ADGRG4: variants seen among roughly 807,000 people sequenced by gnomAD.
The protein encoded by ADGRG4 is adhesion G protein-coupled receptor G4, also known as G protein-coupled receptor 112.
Under a neutral mutation model 126.2 loss-of-function variants are expected in ADGRG4, and 122 were observed. The observed-to-expected ratio is 0.97, with a 90% CI of 0.83 to 1.12. The LOEUF is 1.12. Ranked by LOEUF, ADGRG4 falls within the 50% of genes most tolerant of loss-of-function variation. The pLI is 0.00. For synonymous variants in ADGRG4, 943 were observed against 838.7 expected (o/e 1.12, Z -2.15); for missense variants, 2,481 against 2,251.8 (o/e 1.10, Z -2.06).
chrX:136,397,350 C>T (rs764545988), intron 19 of ADGRG4, among the ~76,000 whole-genome samples: 13 of 111,407 alleles, frequency 1.2e-4, no homozygotes, highest in African/African-American at 1.6e-4. Context: ...GTTCTTAGAC[C>T]AGTGCACACA....
Position 136,348,491 on chromosome X carries a change from T to G in ADGRG4, c.4785T>G (p.Val1595=). The G allele has an allele frequency of 1.7e-6, 2 of 1,209,723 alleles. No homozygotes were observed. The highest frequency in any genetic ancestry group is 2.2e-6 in the Non-Finnish European group (2 of 893,915). The change falls in exon 6 of 26, where the codon GTT becomes GTG. Residue 1595 remains valine, a synonymous_variant. Coordinates refer to ENST00000394143, the MANE Select transcript of ADGRG4 (RefSeq NM_153834.4). ...VGLFSTLLSS[V]TPRTTMTMQT... is the part of the protein sequence containing the mutation. ...TATTCTCTACTTTATTGTCTTCAGT[T>G]ACCCCCAGGACTACTATGACCATGC...
chrX:136,350,153 C>T lies in ADGRG4; in HGVS notation c.6447C>T (p.Ser2149=), dbSNP rs1460871775. The T allele has an allele frequency of 8.3e-6, 10 of 1,210,450 alleles. No homozygotes were observed. Among genetic ancestry groups the T allele is most frequent in the South Asian group, 5.3e-5 (3 of 56,939 alleles). The change falls in exon 6 of 26, where the codon AGC becomes AGT. Residue 2149 remains serine, a synonymous_variant. Transcript: ENST00000394143. The part of the protein sequence containing the change: ...TLSVGAMPLP[S]STITSSWNRI... ...CTGTTGGTGCCATGCCTCTGCCTAG[C>T]TCTACAATAACATCTTCATGGAACA...
chrX:136,304,800 C>T (rs982072135), intron 2 of ADGRG4, 55 bp from the exon 3 acceptor site: 4 of 112,225 alleles, frequency 3.6e-5, no homozygotes, highest in African/African-American at 1.3e-4. Flanking sequence ...AATATAAACA[C>T]ATGCCAGGGA....
Position 136,379,603 on chromosome X carries a change from T to C in ADGRG4, c.7776+6539T>C, listed in dbSNP as rs1417376971. ...CTTCCCTTGCTGTCCTCTGTTTTCC[T>C]TTCCTCTCTTATTCTCTCCTCTCCC... On this transcript the variant is annotated intron_variant, in intron 15 of 25. Coordinates refer to ENST00000394143, the MANE Select transcript of ADGRG4 (RefSeq NM_153834.4). Among the ~76,000 whole-genome samples the C allele has an allele frequency of 5.5e-5, 6 of 108,255 alleles. No individual in the cohort carries two copies. In the Admixed American group the frequency reaches 6.0e-4, roughly 11 times the overall value. The allele number at this position is 108,255 out of a possible 115,157, so 94.0% of individuals were successfully genotyped here.
intron 15 of ADGRG4, among the ~76,000 whole-genome samples, 177 bp from the exon 16 acceptor site, chrX:136,387,563 T>C (rs757863293): frequency 1.8e-5 from 2 of 111,542 alleles, no homozygotes; most frequent in South Asian, 7.6e-4. Context: ...CAGGATCATG[T>C]CTTGGCCTGT....
intron 5 of ADGRG4, among the ~76,000 whole-genome samples, chrX:136,339,035 A>G (rs911509040): frequency 7.3e-5 from 8 of 110,091 alleles, no homozygotes; most frequent in Non-Finnish European, 1.5e-4. Flanking sequence ...TCCTTAGGCC[A>G]GGCCTCCAGC....
chrX:136,327,227 C>T (rs2074878569), intron 5 of ADGRG4, among the ~76,000 whole-genome samples: 1 of 110,434 alleles, frequency 9.1e-6, no homozygotes, highest in Admixed American at 9.7e-5. Context: ...AAAATTTTTT[C>T]CATGGGTTTG....
chrX:136,369,557 C>T lies in ADGRG4; in HGVS notation c.7397-1771C>T, dbSNP rs147418495. On this transcript the variant is annotated intron_variant, in intron 13 of 25. Coordinates refer to ENST00000394143, the MANE Select transcript of ADGRG4 (RefSeq NM_153834.4). The stretch of plus-strand genomic sequence containing the variant: ...TTTCATTCTGCCACAGCAGGGACTA[C>T]GTGAAAGTGAAATTGCACCACTGAA... Among the ~76,000 whole-genome samples, 410 of 112,176 alleles carry T rather than the reference C, an allele frequency of 3.7e-3. 1 individual carries two copies. Among genetic ancestry groups the T allele is most frequent in the African/African-American group, 0.013 (397 of 30,949 alleles).
chrX:136,392,321 G>A lies in ADGRG4; in HGVS notation c.8001G>A (p.Val2667=). The part of the protein sequence containing the change: ...DMFIQNLADP[V]VITLQHIGGN... ...TCATTCAAAACTTAGCTGACCCAGTGGTTATCACTCTGCAGCATATTGGAG... is the reference window on the plus strand; with the variant it reads ...TCATTCAAAACTTAGCTGACCCAGTAGTTATCACTCTGCAGCATATTGGAG... Residue 2667 remains valine, a synonymous_variant, in exon 17 of 26, where the codon GTG becomes GTA. Coordinates refer to ENST00000394143, the MANE Select transcript of ADGRG4 (RefSeq NM_153834.4). The A allele has an allele frequency of 8.5e-7, 1 of 1,182,614 alleles. No individual in the cohort carries two copies. The highest frequency in any genetic ancestry group is 1.1e-6 in the Non-Finnish European group (1 of 877,245).
intron 4 of ADGRG4, among the ~76,000 whole-genome samples, chrX:136,322,478 C>G (rs1486636257): frequency 9.0e-6 from 1 of 111,672 alleles, no homozygotes; most frequent in East Asian, 2.8e-4. Context: ...ACTAGCCATA[C>G]ACTTCTAACT....
chrX:136,392,480 G>T, intron 17 of ADGRG4, 126 bp downstream of exon 17: 1 of 570,979 alleles, frequency 1.8e-6, no homozygotes, highest in Non-Finnish European at 2.6e-6. Context: ...CCTATTCCAG[G>T]TAGCAAATGT....
chrX:136,321,595 A>G (rs771544043), intron 4 of ADGRG4, among the ~76,000 whole-genome samples: 1 of 111,373 alleles, frequency 9.0e-6, no homozygotes, highest in Non-Finnish European at 1.9e-5. Flanking sequence ...AGAGCTCTTT[A>G]TCTTCTGGCT....
At chrX:136,343,541 G>A (rs894749392) in intron 5 of ADGRG4, among the ~76,000 whole-genome samples, 1 of 111,452 alleles carries the variant, frequency 9.0e-6, no homozygotes, top group African/African-American at 3.3e-5. Context: ...GGTAAAATAG[G>A]ATGAGTCTAA....
At chrX:136,367,017 C>T (rs2075162983) in intron 13 of ADGRG4, among the ~76,000 whole-genome samples, 1 of 111,067 alleles carries the variant, frequency 9.0e-6, no homozygotes, top group African/African-American at 3.3e-5. Flanking sequence ...AGCTTCTTTG[C>T]CCCTTTCACC....
intron 8 of ADGRG4, among the ~76,000 whole-genome samples, chrX:136,355,317 T>C (rs1165677408): frequency 1.8e-5 from 2 of 110,598 alleles, no homozygotes; most frequent in Non-Finnish European, 3.8e-5. Context: ...ATGATCTAAT[T>C]ACCCCTCAAA....
intron 16 of ADGRG4, among the ~76,000 whole-genome samples, chrX:136,389,855 A>G (rs764254676): frequency 8.9e-6 from 1 of 112,144 alleles, no homozygotes; most frequent in Non-Finnish European, 1.9e-5. Flanking sequence ...ATGTTCTAAC[A>G]TTAAAGGGGT....
Position 136,346,844 on chromosome X carries a change from T to G in ADGRG4, c.3138T>G (p.Ser1046=). The G allele has an allele frequency of 2.5e-6, 3 of 1,211,251 alleles. No individual in the cohort carries two copies. The highest frequency in any genetic ancestry group is 3.4e-6 in the Non-Finnish European group (3 of 894,948). The change falls in exon 6 of 26, where the codon TCT becomes TCG. Residue 1046 remains serine (S), a synonymous_variant. Coordinates refer to ENST00000394143, the MANE Select transcript of ADGRG4 (RefSeq NM_153834.4). ...PSTLARAFST[S]VLSDVSNLSS... ...CACTGGCCAGGGCTTTTTCTACATC[T>G]GTGCTCTCAGATGTCTCAAATCTAT...
At chrX:136,334,578 AAC>A (rs2074937971) in intron 5 of ADGRG4, among the ~76,000 whole-genome samples, 1 of 112,242 alleles carries the variant, frequency 8.9e-6, no homozygotes, top group Non-Finnish European at 1.9e-5. Context: ...CCAATCCGTG[AAC>A]ACAGTGTGCT....
chrX:136,330,111 T>C (rs2074899420), intron 5 of ADGRG4, among the ~76,000 whole-genome samples: 1 of 111,109 alleles, frequency 9.0e-6, no homozygotes, highest in African/African-American at 3.3e-5. Context: ...GTTTTTATTA[T>C]ATTCATTTAT....
Sources: gnomAD v4.1 joint callset for allele counts (sites outside exome capture counted in the v4.1 genomes callset) on GRCh38, gnomAD v4.1.1 for gene constraint, MANE v1.5 for transcripts, NCBI Gene and HGNC (gene_info 2026-07-23, HGNC 2026-07-21) for gene names.